Variants in PRKN observed in about 807,000 individuals in gnomAD.
The protein encoded by PRKN is E3 ubiquitin-protein ligase parkin.
A neutral mutation model predicts 59.5 loss-of-function variants in PRKN; 56 were observed. That is an observed-to-expected ratio of 0.94 (90% CI 0.76 to 1.18). PRKN has a LOEUF of 1.18. PRKN is among the 50% of genes most tolerant of loss of function. The pLI is 0.00. For missense variants in PRKN, 657 were observed against 596.4 expected, an observed-to-expected ratio of 1.10 and a Z score of -1.06; for synonymous variants, 250 against 222.1, an observed-to-expected ratio of 1.13 and a Z score of -1.12.
chr6:161,683,056 T>G (rs1785429151), intron 7 of PRKN, among the ~76,000 whole-genome samples: 1 of 152,176 alleles, frequency 6.6e-6, no homozygotes, highest in Non-Finnish European at 1.5e-5. Flanking sequence ...CAGCAGTTTT[T>G]AGGGAGGAGC....
chr6:161,570,774 A>C (rs950403619), intron 7 of PRKN, among the ~76,000 whole-genome samples: 1 of 152,206 alleles, frequency 6.6e-6, no homozygotes, highest in Non-Finnish European at 1.5e-5. Flanking sequence ...AAAGTTCCAC[A>C]TAGTTTTTTG....
intron 7 of PRKN, among the ~76,000 whole-genome samples, chr6:161,761,968 G>A (rs1490868969): frequency 6.6e-6 from 1 of 152,216 alleles, no homozygotes; most frequent in African/African-American, 2.4e-5. Context: ...GGAGGTCTGG[G>A]TTGGTGGAGG....
intron 5 of PRKN, among the ~76,000 whole-genome samples, chr6:162,051,689 C>G (rs1777652441): frequency 1.3e-5 from 2 of 152,160 alleles, no homozygotes; most frequent in African/African-American, 2.4e-5. Context: ...TTGTCACCCC[C>G]AGGGCTGATG....
chr6:161,585,335 T>C (rs1034997609), intron 7 of PRKN, among the ~76,000 whole-genome samples: 1 of 152,246 alleles, frequency 6.6e-6, no homozygotes, highest in Non-Finnish European at 1.5e-5. Flanking sequence ...CTGTGTATTA[T>C]GGCTTTTTGT....
At chr6:161,685,366 C>T (rs1344334146) in intron 7 of PRKN, among the ~76,000 whole-genome samples, 1 of 152,164 alleles carries the variant, frequency 6.6e-6, no homozygotes, top group Non-Finnish European at 1.5e-5. Flanking sequence ...CAACAGGATG[C>T]ACTGCTCCTG....
chr6:161,585,125 A>C (rs965082227), intron 7 of PRKN, among the ~76,000 whole-genome samples: 1 of 152,180 alleles, frequency 6.6e-6, no homozygotes, highest in Non-Finnish European at 1.5e-5. Context: ...TTTTCTAGGG[A>C]GGCACTTGGG....
At chr6:162,355,339 TTAA>T (rs1007500851) in intron 2 of PRKN, among the ~76,000 whole-genome samples, 3 of 151,820 alleles carry the variant, frequency 2.0e-5, no homozygotes, top group African/African-American at 7.2e-5. Flanking sequence ...AAGAGACTTT[TTAA>T]AAGGCAAGAT....
chr6:162,097,085 T>C (rs1186627913), intron 4 of PRKN, among the ~76,000 whole-genome samples: 16 of 151,676 alleles, frequency 1.1e-4, no homozygotes, highest in Admixed American at 9.9e-4. Flanking sequence ...ACCATGTTGG[T>C]CAGGCTGGTC....
intron 1 of PRKN, among the ~76,000 whole-genome samples, chr6:162,484,480 T>G (rs1177711352): frequency 1.3e-5 from 2 of 152,142 alleles, no homozygotes; most frequent in Non-Finnish European, 2.9e-5. Context: ...ACTTTTGGCT[T>G]GAGTATCCAG....
chr6:161,718,149 C>T (rs1249418026), intron 7 of PRKN, among the ~76,000 whole-genome samples: 1 of 152,036 alleles, frequency 6.6e-6, no homozygotes, highest in Non-Finnish European at 1.5e-5. Flanking sequence ...CTTAGTTGAG[C>T]CTATTAATAA....
chr6:161,737,753 C>T (rs567333190), intron 7 of PRKN, among the ~76,000 whole-genome samples: 2 of 152,254 alleles, frequency 1.3e-5, no homozygotes, highest in South Asian at 4.1e-4. Flanking sequence ...ATAAACATGG[C>T]AGGAAACACA....
intron 2 of PRKN, among the ~76,000 whole-genome samples, chr6:162,328,392 A>G (rs1783411338): frequency 6.6e-6 from 1 of 152,120 alleles, no homozygotes; most frequent in Non-Finnish European, 1.5e-5. Flanking sequence ...AAAAACAGCA[A>G]AACAAGCACA....
intron 1 of PRKN, among the ~76,000 whole-genome samples, chr6:162,566,135 A>G (rs528038418): frequency 1.3e-5 from 2 of 152,162 alleles, no homozygotes; most frequent in Non-Finnish European, 2.9e-5. Context: ...CAATACAATA[A>G]TAACTAGAGA....
At chr6:161,685,918 C>A (rs1259749435) in intron 7 of PRKN, among the ~76,000 whole-genome samples, 1 of 152,196 alleles carries the variant, frequency 6.6e-6, no homozygotes. Context: ...TCAGCAACCT[C>A]ACCCCGGTCC....
At chr6:162,325,317 A>G (rs550491676) in intron 2 of PRKN, among the ~76,000 whole-genome samples, 1 of 152,260 alleles carries the variant, frequency 6.6e-6, no homozygotes, top group African/African-American at 2.4e-5. Flanking sequence ...GCTCTGTGCT[A>G]TTGACTATCC....
intron 1 of PRKN, among the ~76,000 whole-genome samples, chr6:162,573,038 C>T (rs1188406822): frequency 6.6e-6 from 1 of 152,160 alleles, no homozygotes; most frequent in African/African-American, 2.4e-5. Context: ...TAAAAACTGT[C>T]CTTTAAATGC....
At chr6:162,549,175 C>T (rs1205385428) in intron 1 of PRKN, among the ~76,000 whole-genome samples, 2 of 152,056 alleles carry the variant, frequency 1.3e-5, no homozygotes, top group East Asian at 3.9e-4. Flanking sequence ...TGAGGACACC[C>T]CCAGAAGACG....
intron 1 of PRKN, among the ~76,000 whole-genome samples, chr6:162,603,510 G>A (rs1255910270): frequency 6.6e-6 from 1 of 152,080 alleles, no homozygotes; most frequent in Non-Finnish European, 1.5e-5. Flanking sequence ...GAGTAGATGG[G>A]ACAAAGAACC....
intron 1 of PRKN, among the ~76,000 whole-genome samples, chr6:162,680,085 A>G (rs1201709170): frequency 6.6e-6 from 1 of 151,880 alleles, no homozygotes; most frequent in Admixed American, 6.6e-5. Context: ...TTTTCCCAAA[A>G]TTATTAAATA....
Sources: gnomAD v4.1 joint callset for allele counts (sites outside exome capture counted in the v4.1 genomes callset) on GRCh38, gnomAD v4.1.1 for gene constraint, MANE v1.5 for transcripts, NCBI Gene and HGNC (gene_info 2026-07-23, HGNC 2026-07-21) for gene names.